The following KCNK12 variants were observed in gnomAD, a reference collection of about 807,000 sequenced individuals.
KCNK12 encodes the protein potassium channel subfamily K member 12.
KCNK12 carries 6 observed loss-of-function variants against 25.3 expected under a neutral mutation model. The ratio of observed to expected loss-of-function variants is 0.24; its 90% CI spans 0.13 to 0.47. The LOEUF is 0.47. Among genes scored for constraint, KCNK12 ranks in the 20% least tolerant of loss-of-function variants. KCNK12 has a pLI of 0.99. For missense variants in KCNK12, 444 were observed against 661.7 expected (o/e 0.67, Z 3.61); for synonymous variants, 331 against 311.1 (o/e 1.06, Z -0.67).
At chr2:47,521,858 TCA>T in intron 1 of KCNK12, 50 bp from the exon 2 acceptor site, 3 of 993,034 alleles carry the variant, frequency 3.0e-6, no homozygotes, top group East Asian at 4.7e-5. Flanking sequence ...CAGGTGGTCC[TCA>T]CTGGGCGAGG....
At chr2:47,526,712 G>A (rs1668787520) in intron 1 of KCNK12, among the ~76,000 whole-genome samples, 2 of 152,108 alleles carry the variant, frequency 1.3e-5, no homozygotes, top group East Asian at 3.8e-4. Flanking sequence ...CAGCCTGGGC[G>A]ACAGAGCGAA....
intron 1 of KCNK12, chr2:47,534,957 A>C (rs1253882749): frequency 4.5e-6 from 1 of 223,392 alleles, no homozygotes; most frequent in Non-Finnish European, 8.9e-6. Flanking sequence ...CTCTCAATGA[A>C]TTCAGTTTTA....
At position 47,521,162 on chromosome 2, in the gene KCNK12, G is replaced by T. The variant is rs1668643811; in HGVS notation, c.1038C>A (p.Ala346=). 1 of 1,292,682 alleles carries T rather than the reference G, an allele frequency of 7.7e-7. No homozygotes were observed. The highest frequency in any genetic ancestry group is 3.2e-5 in the East Asian group (1 of 31,586). 80.1% of individuals were successfully genotyped at this position (1,292,682 alleles called of 1,614,324 possible). Residue 346 remains alanine (A), a synonymous_variant, in exon 2 of 2, where the codon GCC becomes GCA. Coordinates refer to ENST00000327876, the MANE Select transcript of KCNK12 (RefSeq NM_022055.2). ...TPGSRLRRRL[A]ALGADPAARD... is the part of the protein sequence containing the mutation. Reference sequence around the variant, plus strand: ...GGGCCGCGGGGTCGGCACCGAGCGCGGCCAGGCGGCGGCGCAGCCGGGAGC... The same window carrying T: ...GGGCCGCGGGGTCGGCACCGAGCGCTGCCAGGCGGCGGCGCAGCCGGGAGC...
rs377567787 is a variant in KCNK12, at chr2:47,570,053, G to T, written c.279C>A (p.Phe93Leu). The T allele has an allele frequency of 3.5e-6, 5 of 1,415,696 alleles. No homozygotes were observed. Among genetic ancestry groups the T allele is most frequent in the South Asian group, 1.5e-5 (1 of 66,396 alleles). The allele number at this position is 1,415,696 out of a possible 1,614,324, so 87.7% of individuals were successfully genotyped here. ...CCAGCGCGGCCTCGTAGTGCCGGAG[G>T]AAGGCGCGCAGCTCTGGCTCGGCCA... Reference protein sequence around the residue: ...HGVAEPELRAFLRHYEAALAA... With the variant: ...HGVAEPELRALLRHYEAALAA... Residue 93 changes from phenylalanine to leucine, a missense_variant, in exon 1 of 2, where the codon TTC (phenylalanine) becomes TTA (leucine). By Grantham distance (22) the Phe-to-Leu change is conservative. This residue lies in a region of KCNK12 where 106 missense variants were observed against 142.2 expected (regional missense o/e 0.75). Transcript: ENST00000327876.
chr2:47,553,024 C>T (rs923286221), intron 1 of KCNK12, among the ~76,000 whole-genome samples: 1 of 152,310 alleles, frequency 6.6e-6, no homozygotes, highest in Admixed American at 6.5e-5. Context: ...TATCCCTAGT[C>T]CCCTCTACCC....
Position 47,560,582 on chromosome 2 carries a change from T to C in KCNK12, c.391+9359A>G, listed in dbSNP as rs922225965. 6.6e-6 allele frequency among the ~76,000 whole-genome samples: 1 copy of C among 152,214 alleles called. No individual in the cohort carries two copies. Among genetic ancestry groups the C allele is most frequent in the East Asian group, 1.9e-4 (1 of 5,192 alleles). ...GCAGTCAGGAGCCGTGGATCCTCTA[T>C]TCTGCCATTGACTGACTTGCTGTGT... On this transcript the variant is annotated intron_variant, in intron 1 of 1. Transcript: ENST00000327876. This position sits in a 1 kb window ranked among gnomAD's most constrained non-coding sequence, Gnocchi z 4.7.
chr2:47,570,445 G>A lies in KCNK12; in HGVS notation c.-114C>T, dbSNP rs934542211. The A allele has an allele frequency of 5.6e-6, 6 of 1,062,160 alleles. No homozygotes were observed. In the African/African-American group the frequency reaches 1.0e-4, roughly 18 times the overall value. The allele number at this position is 1,062,160 out of a possible 1,614,324, so 65.8% of individuals were successfully genotyped here. ...GCCAGGGGTCCGGGGCCGCCGCGGAGCCCCTCGCCGCCTTCGCAGAGCCCC... is the reference window on the plus strand; with the variant it reads ...GCCAGGGGTCCGGGGCCGCCGCGGAACCCCTCGCCGCCTTCGCAGAGCCCC... On this transcript the variant is annotated 5_prime_UTR_variant, in exon 1 of 2. Coordinates refer to ENST00000327876, the MANE Select transcript of KCNK12 (RefSeq NM_022055.2).
intron 1 of KCNK12, among the ~76,000 whole-genome samples, chr2:47,526,498 C>G (rs1668780635): frequency 6.6e-6 from 1 of 151,982 alleles, no homozygotes; most frequent in South Asian, 2.1e-4. Context: ...TTTGGGAGGC[C>G]AAGGTGGGTG....
chr2:47,521,435 G>A lies in KCNK12; in HGVS notation c.765C>T (p.Ser255=). The change falls in exon 2 of 2, where the codon AGC becomes AGT. Residue 255 remains serine, a synonymous_variant. Transcript: ENST00000327876. The stretch of plus-strand genomic sequence containing the variant: ...TCACCAGGTCCCCGAAGCCGATGGT[G>A]CTGAAGGTGACGAAGCAGAAGTAGA... The part of the protein sequence containing the change: ...DSLYFCFVTF[S]TIGFGDLVSS... 6.2e-7 allele frequency: 1 copy of A among 1,613,474 alleles called. No individual in the cohort carries two copies. The highest frequency in any genetic ancestry group is 8.5e-7 in the Non-Finnish European group (1 of 1,179,788).
At chr2:47,541,247 T>TA (rs1433914625) in intron 1 of KCNK12, among the ~76,000 whole-genome samples, 2 of 152,228 alleles carry the variant, frequency 1.3e-5, no homozygotes, top group Non-Finnish European at 2.9e-5. Flanking sequence ...GGGAGCCTGC[T>TA]ATGGCAAGTG....
rs1668453401 is a variant in KCNK12, at chr2:47,513,526, T to C, written c.*7381A>G. On this transcript the variant is annotated 3_prime_UTR_variant, in exon 2 of 2. Transcript: ENST00000327876. ...TATCTCATTCTACACACTCACAGCC[T>C]GAGTAATTCACACCATCTTGATGCT... 6.6e-6 allele frequency among the ~76,000 whole-genome samples: 1 copy of C among 152,200 alleles called. No individual in the cohort carries two copies. The highest frequency in any genetic ancestry group is 1.5e-5 in the Non-Finnish European group (1 of 68,036).
Position 47,512,166 on chromosome 2 carries a change from C to T in KCNK12, c.*8741G>A. 9.4e-7 allele frequency: 1 copy of T among 1,066,906 alleles called. No homozygotes were observed. The highest frequency in any genetic ancestry group is 1.7e-5 in the South Asian group (1 of 59,676). The allele number at this position is 1,066,906 out of a possible 1,614,324, so 66.1% of individuals were successfully genotyped here. A position where few individuals can be genotyped will look rare whatever the true frequency, so the allele number is the denominator to read the frequency against. The stretch of plus-strand genomic sequence containing the variant: ...ATCCAGATGGCTGGTCCTGCTCCTC[C>T]CAGTCCATGGAGAAAAAAGAATTGA... On this transcript the variant is annotated 3_prime_UTR_variant, in exon 2 of 2. Coordinates refer to ENST00000327876, the MANE Select transcript of KCNK12 (RefSeq NM_022055.2).
In KCNK12 at chr2:47,512,045, A is replaced by T. The variant is rs1413917704; in HGVS notation, c.*8862T>A. The stretch of plus-strand genomic sequence containing the variant: ...AAATGAAAACGAGGATCTGGAGCTC[A>T]TGAAGTTTCTCATGGGGTGGGGTAT... On this transcript the variant is annotated 3_prime_UTR_variant, in exon 2 of 2. Transcript: ENST00000327876. Among the ~76,000 whole-genome samples the T allele has an allele frequency of 2.0e-5, 3 of 152,184 alleles. No individual in the cohort carries two copies. The highest frequency in any genetic ancestry group is 4.4e-5 in the Non-Finnish European group (3 of 68,024).
At position 47,538,496 on chromosome 2, in the gene KCNK12, C is replaced by A. The variant is rs559237230; in HGVS notation, c.392-16688G>T. Among the ~76,000 whole-genome samples, 2 of 152,274 alleles carry A rather than the reference C, an allele frequency of 1.3e-5. No homozygotes were observed. Among genetic ancestry groups the A allele is most frequent in the South Asian group, 4.1e-4 (2 of 4,824 alleles). ...AAGAAAAGAGTGAAAAAGGACTGGG[C>A]ATGGTGGCTCATGTCTGTAATCCCA... On this transcript the variant is annotated intron_variant, in intron 1 of 1. Transcript: ENST00000327876. This position sits in a 1 kb window ranked among gnomAD's most constrained non-coding sequence, Gnocchi z 4.5.
intron 1 of KCNK12, among the ~76,000 whole-genome samples, chr2:47,545,912 TTC>T (rs1224930816): frequency 2.7e-5 from 4 of 147,194 alleles, no homozygotes; most frequent in Admixed American, 1.3e-4. Flanking sequence ...TGCACTTAAC[TTC>T]TTTTTTTTTT....
At position 47,520,854 on chromosome 2, in the gene KCNK12, G is replaced by T; in HGVS notation, c.*53C>A. The T allele has an allele frequency of 3.4e-6, 4 of 1,170,770 alleles. No homozygotes were observed. The highest frequency in any genetic ancestry group is 3.2e-6 in the Non-Finnish European group (3 of 930,446). 72.5% of individuals were successfully genotyped at this position (1,170,770 alleles called of 1,614,324 possible). A position where few individuals can be genotyped will look rare whatever the true frequency, so the allele number is the denominator to read the frequency against. On this transcript the variant is annotated 3_prime_UTR_variant, in exon 2 of 2. Coordinates refer to ENST00000327876, the MANE Select transcript of KCNK12 (RefSeq NM_022055.2). This position sits in a 1 kb window ranked among gnomAD's most constrained non-coding sequence, Gnocchi z 5.0. ...GCAGTGACTGAGAGAAGCAAACCAC[G>T]CCCGGCGGCCCCGCGGCCTGGAGAG...
rs1051232394 is a variant in KCNK12 at position 47,565,995 on chromosome 2, T to C, written c.391+3946A>G. On this transcript the variant is annotated intron_variant, in intron 1 of 1. Transcript: ENST00000327876. This position sits in a 1 kb window ranked among gnomAD's most constrained non-coding sequence, Gnocchi z 5.0. ...AAACTTGATTTCAACCCCCAGGGAATATGTCACATAGCATAAATGGGAGAA... is the reference window on the plus strand; with the variant it reads ...AAACTTGATTTCAACCCCCAGGGAACATGTCACATAGCATAAATGGGAGAA... 3 of 152,224 alleles carry C rather than the reference T, an allele frequency of 2.0e-5. No homozygotes were observed. Among genetic ancestry groups the C allele is most frequent in the African/African-American group, 7.2e-5 (3 of 41,456 alleles). 9.4% of individuals were successfully genotyped at this position (152,224 alleles called of 1,614,324 possible). A position where few individuals can be genotyped will look rare whatever the true frequency, so the allele number is the denominator to read the frequency against.
rs377570370 is a variant in KCNK12 at position 47,515,651 on chromosome 2, C to T, written c.*5256G>A. On this transcript the variant is annotated 3_prime_UTR_variant, in exon 2 of 2. Coordinates refer to ENST00000327876, the MANE Select transcript of KCNK12 (RefSeq NM_022055.2). Reference sequence around the variant, plus strand: ...GGAGCCCAGGGGAGTGGGGAGTGATCGTATAGACAGAGGTGGGTGGGGCCA... The same window carrying T: ...GGAGCCCAGGGGAGTGGGGAGTGATTGTATAGACAGAGGTGGGTGGGGCCA... Among the ~76,000 whole-genome samples, 104 of 151,936 alleles carry T rather than the reference C, an allele frequency of 6.8e-4. No homozygotes were observed. Among genetic ancestry groups the T allele is most frequent in the African/African-American group, 2.1e-3 (88 of 41,404 alleles).
rs1034873691 is a variant in KCNK12, at chr2:47,557,511, T to G, written c.391+12430A>C. On this transcript the variant is annotated intron_variant, in intron 1 of 1. Transcript: ENST00000327876. The surrounding 1 kb of genome is among the most constrained non-coding windows in gnomAD (Gnocchi z 4.9). ...AAAACAGACCAAGACAAGCTAAAAT[T>G]CATACCCAAGACCAGGGCCCCCAGC... Among the ~76,000 whole-genome samples the G allele has an allele frequency of 6.6e-6, 1 of 152,146 alleles. No individual in the cohort carries two copies. Among genetic ancestry groups the G allele is most frequent in the Non-Finnish European group, 1.5e-5 (1 of 68,030 alleles).
Sources: gnomAD v4.1 joint callset for allele counts (sites outside exome capture counted in the v4.1 genomes callset) on GRCh38, gnomAD v4.1.1 for gene constraint, gnomAD v4.1.1 regional missense constraint, Gnocchi (gnomAD v3.1) non-coding constraint, MANE v1.5 for transcripts, NCBI Gene and HGNC (gene_info 2026-07-23, HGNC 2026-07-21) for gene names.